Variants in MDFI observed in about 807,000 individuals in gnomAD.
MDFI encodes inhibitor of MyoD family a.
In MDFI, 16 loss-of-function variants were observed where a neutral mutation model predicts 22.3. The ratio of observed to expected loss-of-function variants is 0.72; its 90% CI spans 0.49 to 1.09. The LOEUF is 1.09. Among genes scored for constraint, MDFI ranks in the 50% least tolerant of loss-of-function variants. The pLI is 0.00. For synonymous variants in MDFI, 145 were observed against 142.7 expected (o/e 1.02, Z -0.12); for missense variants, 314 against 326.1 (o/e 0.96, Z 0.29).
chr6:41,653,881 C>A lies in MDFI; in HGVS notation c.*306C>A. 1 of 379,754 alleles carries A rather than the reference C, an allele frequency of 2.6e-6. No individual in the cohort carries two copies. The highest frequency in any genetic ancestry group is 4.9e-6 in the Non-Finnish European group (1 of 204,846). The allele number at this position is 379,754 out of a possible 1,614,324, so 23.5% of individuals were successfully genotyped here. On this transcript the variant is annotated 3_prime_UTR_variant, in exon 5 of 5. Transcript: ENST00000230321. This position sits in a 1 kb window ranked among gnomAD's most constrained non-coding sequence, Gnocchi z 4.2. Reference sequence around the variant, plus strand: ...CCTAGGGGCAGGGCTGGGGTGGGGACCGCAGGGGGCAGCCAGGGCTGGGGA... The same window carrying A: ...CCTAGGGGCAGGGCTGGGGTGGGGAACGCAGGGGGCAGCCAGGGCTGGGGA...
chr6:41,653,465 G>A lies in MDFI; in HGVS notation c.631G>A (p.Asp211Asn), dbSNP rs150879798. 85 of 1,604,290 alleles carry A rather than the reference G, an allele frequency of 5.3e-5. No homozygotes were observed. Among genetic ancestry groups the A allele is most frequent in the Non-Finnish European group, 6.4e-5 (75 of 1,179,960 alleles). ...CTGCTGTGGCTCTGGCGAGTGTGCC[G>A]ACTGCGACCTGCCCTGCGACCTGGA... The part of the protein sequence containing the change: ...CCCCGSGECA[D>N]CDLPCDLDCG... The change falls in exon 5 of 5, where the codon GAC (aspartate) becomes AAC (asparagine). Residue 211 changes from aspartate (D) to asparagine (N), a missense_variant. By Grantham distance (23) the Asp-to-Asn change is conservative (BLOSUM62 1). Transcript: ENST00000230321. The surrounding 1 kb of genome is among the most constrained non-coding windows in gnomAD (Gnocchi z 4.2).
chr6:41,638,802 C>T lies in MDFI; in HGVS notation c.53C>T (p.Ala18Val). 1 of 1,565,338 alleles carries T rather than the reference C, an allele frequency of 6.4e-7. No individual in the cohort carries two copies. The highest frequency in any genetic ancestry group is 8.6e-7 in the Non-Finnish European group (1 of 1,161,936). ...TCTGGCTGCGACGCGCCCTATGGAG[C>T]CCCCAGCGCAGCCCCGGGCCCAGGT... ...RPSGCDAPYG[A>V]PSAAPGPAQT... The change falls in exon 2 of 5, where the codon GCC (alanine) becomes GTC (valine). Residue 18 changes from alanine (A) to valine (V), a missense_variant. Coordinates refer to ENST00000230321, the MANE Select transcript of MDFI (RefSeq NM_005586.4). The surrounding 1 kb of genome is among the most constrained non-coding windows in gnomAD (Gnocchi z 7.6).
intron 2 of MDFI, among the ~76,000 whole-genome samples, chr6:41,645,574 G>A (rs566174205): frequency 3.6e-4 from 54 of 152,002 alleles, no homozygotes; most frequent in Admixed American, 3.0e-3. Context: ...CTTCTCTGTC[G>A]CCTCTGCCCC....
chr6:41,644,504 G>A (rs1767975287), intron 2 of MDFI, among the ~76,000 whole-genome samples: 1 of 151,858 alleles, frequency 6.6e-6, no homozygotes, highest in South Asian at 2.1e-4. Flanking sequence ...GGCTGTGGGG[G>A]ACCAGACCCC....
At chr6:41,643,523 C>CAGGAAGGA (rs1381721352) in intron 2 of MDFI, among the ~76,000 whole-genome samples, 1,050 of 70,320 alleles carry the variant, frequency 0.015, 23 homozygotes, top group African/African-American at 0.047. Context: ...CCACACAGCA[C>CAGGAAGGA]AGGAAGGAGG....
intron 2 of MDFI, chr6:41,639,098 AAAC>A (rs200703169): frequency 0.03 from 13,613 of 461,352 alleles, 188 homozygotes; most frequent in South Asian, 0.057. Context: ...ACACACACAC[AAAC>A]ACACACACAT....
At position 41,653,208 on chromosome 6, in the gene MDFI, C is replaced by T. The variant is rs894511085; in HGVS notation, c.485-111C>T. 7.1e-6 allele frequency: 8 copies of T among 1,119,948 alleles called. No individual in the cohort carries two copies. The highest frequency in any genetic ancestry group is 9.2e-6 in the Non-Finnish European group (7 of 761,780). The allele number at this position is 1,119,948 out of a possible 1,614,324, so 69.4% of individuals were successfully genotyped here. ...GTGAGCTTCAGGCACACAGTGAACA[C>T]TCAGCGTCCCTGCTGCTGCCGCTGC... On this transcript the variant is annotated intron_variant, in intron 4 of 4. Coordinates refer to ENST00000230321, the MANE Select transcript of MDFI (RefSeq NM_005586.4). This position sits in a 1 kb window ranked among gnomAD's most constrained non-coding sequence, Gnocchi z 4.2.
chr6:41,647,602 C>T (rs951917667), intron 3 of MDFI, among the ~76,000 whole-genome samples: 17 of 152,060 alleles, frequency 1.1e-4, no homozygotes, highest in African/African-American at 2.7e-4. Context: ...CACCCTCCCC[C>T]GATCCCCCAC....
Position 41,653,522 on chromosome 6 carries a change from G to A in MDFI, c.688G>A (p.Ala230Thr), listed in dbSNP as rs915986900. ...CGILDACCESADCLEICMECC... is the reference protein window; with the variant it reads ...CGILDACCESTDCLEICMECC... The stretch of plus-strand genomic sequence containing the variant: ...CATCCTGGATGCCTGCTGCGAGTCC[G>A]CGGACTGCCTGGAGATCTGCATGGA... Residue 230 changes from alanine (A) to threonine (T), a missense_variant, in exon 5 of 5, where the codon GCG becomes ACG. Coordinates refer to ENST00000230321, the MANE Select transcript of MDFI (RefSeq NM_005586.4). This position sits in a 1 kb window ranked among gnomAD's most constrained non-coding sequence, Gnocchi z 4.2. The A allele has an allele frequency of 6.2e-6, 10 of 1,601,820 alleles. No homozygotes were observed. The highest frequency in any genetic ancestry group is 2.7e-5 in the African/African-American group (2 of 75,044).
intron 2 of MDFI, chr6:41,639,782 T>G (rs1228622926): frequency 1.0e-6 from 1 of 985,334 alleles, no homozygotes; most frequent in Non-Finnish European, 1.2e-6. Flanking sequence ...TGAAGGTCTG[T>G]TCCTGAACCT....
Position 41,648,722 on chromosome 6 carries a change from C to G in MDFI, c.260-897C>G, listed in dbSNP as rs150506696. The stretch of plus-strand genomic sequence containing the variant: ...TCTCAGTGACCCCTCTTCAGTCCCT[C>G]CGCACTCCCCCCACCATACACACCT... On this transcript the variant is annotated intron_variant, in intron 3 of 4. Coordinates refer to ENST00000230321, the MANE Select transcript of MDFI (RefSeq NM_005586.4). Among the ~76,000 whole-genome samples, 889 of 152,232 alleles carry G rather than the reference C, an allele frequency of 5.8e-3. 5 individuals are homozygous for G. The highest frequency in any genetic ancestry group is 0.02 in the African/African-American group (844 of 41,518).
intron 4 of MDFI, among the ~76,000 whole-genome samples, chr6:41,652,734 A>T (rs548775347): frequency 6.7e-6 from 1 of 148,694 alleles, no homozygotes; most frequent in South Asian, 2.1e-4. Flanking sequence ...CTCCTGCCTC[A>T]GCCTCCCAAG....
intron 2 of MDFI, among the ~76,000 whole-genome samples, chr6:41,644,846 T>A (rs1767987447): frequency 6.6e-6 from 1 of 151,982 alleles, no homozygotes; most frequent in Non-Finnish European, 1.5e-5. Flanking sequence ...TGCCTCTTTC[T>A]GGTCTCTCTG....
intron 3 of MDFI, among the ~76,000 whole-genome samples, chr6:41,646,972 G>T (rs1263859330): frequency 6.6e-6 from 1 of 152,182 alleles, no homozygotes; most frequent in Non-Finnish European, 1.5e-5. Flanking sequence ...GAGGAAACAG[G>T]CACAGAGAAC....
At position 41,638,651 on chromosome 6, in the gene MDFI, G is replaced by A. The variant is rs1767722252; in HGVS notation, c.-13G>A. 1.5e-6 allele frequency: 2 copies of A among 1,335,304 alleles called. No individual in the cohort carries two copies. The highest frequency in any genetic ancestry group is 2.5e-5 in the East Asian group (1 of 39,406). 82.7% of individuals were successfully genotyped at this position (1,335,304 alleles called of 1,614,324 possible). On this transcript the variant is annotated splice_region_variant and 5_prime_UTR_variant, in exon 1 of 5. Coordinates refer to ENST00000230321, the MANE Select transcript of MDFI (RefSeq NM_005586.4). This position sits in a 1 kb window ranked among gnomAD's most constrained non-coding sequence, Gnocchi z 7.6. ...GAAGAGAGCGTAGCACGGCTCGCAC[G>A]AGTGAGTGGACGTGGGAGGCGCGCA...
chr6:41,637,274 G>C (rs938299526), upstream of MDFI: 10 of 152,004 alleles, frequency 6.6e-5, no homozygotes, highest in African/African-American at 2.2e-4. This position sits in a 1 kb window ranked among gnomAD's most constrained non-coding sequence, Gnocchi z 6.8. Context: ...TGCGATAGCC[G>C]TAAGTAGCGA....
rs539563457 is a variant in MDFI at position 41,653,778 on chromosome 6, G to A, written c.*203G>A. 70 of 650,652 alleles carry A rather than the reference G, an allele frequency of 1.1e-4. No homozygotes were observed. Among genetic ancestry groups the A allele is most frequent in the African/African-American group, 8.6e-4 (47 of 54,818 alleles). The allele number at this position is 650,652 out of a possible 1,614,324, so 40.3% of individuals were successfully genotyped here. ...AGGGGCCACCTCCTCAGCCGTGGGT[G>A]GTGGGCCCATGGCAGAGAAGCCTGA... On this transcript the variant is annotated 3_prime_UTR_variant, in exon 5 of 5. Transcript: ENST00000230321. This position sits in a 1 kb window ranked among gnomAD's most constrained non-coding sequence, Gnocchi z 4.2.
In MDFI at chr6:41,653,864, C is replaced by A; in HGVS notation, c.*289C>A. ...AGGACCTGACAGGACAACCTAGGGG[C>A]AGGGCTGGGGTGGGGACCGCAGGGG... is the stretch of plus-strand genomic sequence containing the variant. On this transcript the variant is annotated 3_prime_UTR_variant, in exon 5 of 5. Transcript: ENST00000230321. This position sits in a 1 kb window ranked among gnomAD's most constrained non-coding sequence, Gnocchi z 4.2. 2.1e-6 allele frequency: 1 copy of A among 484,908 alleles called. No homozygotes were observed. The highest frequency in any genetic ancestry group is 1.9e-5 in the African/African-American group (1 of 51,484). 30.0% of individuals were successfully genotyped at this position (484,908 alleles called of 1,614,324 possible). A position where few individuals can be genotyped will look rare whatever the true frequency, so the allele number is the denominator to read the frequency against.
At chr6:41,639,566 C>T in intron 2 of MDFI, 14 of 985,458 alleles carry the variant, frequency 1.4e-5, no homozygotes, top group Non-Finnish European at 1.7e-5. Flanking sequence ...GTCCCTTCCC[C>T]TCACTGGCCA....
Sources: allele counts gnomAD v4.1 joint callset (sites outside exome capture counted in the v4.1 genomes callset), GRCh38; gene constraint gnomAD v4.1.1; non-coding constraint Gnocchi (gnomAD v3.1); transcripts MANE v1.5; gene names NCBI Gene and HGNC (gene_info 2026-07-23, HGNC 2026-07-21).